The following MAGI2 variants were observed in gnomAD, a reference collection of about 807,000 sequenced individuals.
The protein encoded by MAGI2 is membrane associated guanylate kinase, WW and PDZ domain containing 2, also known as membrane-associated guanylate kinase, WW and PDZ domain-containing protein 2.
In MAGI2, 35 loss-of-function variants were observed where a neutral mutation model predicts 133.3. The ratio of observed to expected loss-of-function variants is 0.26; its 90% CI spans 0.20 to 0.35. MAGI2 has a LOEUF of 0.35. MAGI2 is among the 10% of genes least tolerant of loss of function. The probability of loss-of-function intolerance (pLI) is 1.00; values close to 1 mark genes in which losing one functional copy is unlikely to be tolerated. For synonymous variants in MAGI2, 729 were observed against 710.6 expected (o/e 1.03, Z -0.41); for missense variants, 1,636 against 1,863.4 (o/e 0.88, Z 2.25).
intron 3 of MAGI2, among the ~76,000 whole-genome samples, chr7:78,577,897 T>G (rs1406588422): frequency 6.6e-6 from 1 of 152,114 alleles, no homozygotes; most frequent in African/African-American, 2.4e-5. Context: ...CATGTAATAT[T>G]TCCTTAATTA....
chr7:78,274,111 T>TG (rs1794833384), intron 9 of MAGI2, among the ~76,000 whole-genome samples: 2 of 152,188 alleles, frequency 1.3e-5, no homozygotes, highest in Non-Finnish European at 2.9e-5. Flanking sequence ...GACCTTCGGA[T>TG]GGAGTTTCTG....
intron 6 of MAGI2, among the ~76,000 whole-genome samples, chr7:78,397,983 T>C (rs1029002558): frequency 1.3e-5 from 2 of 152,068 alleles, no homozygotes; most frequent in African/African-American, 4.8e-5. Context: ...AATTAAACAC[T>C]GTCTATAAAA....
intron 2 of MAGI2, among the ~76,000 whole-genome samples, chr7:78,650,032 C>A (rs1468497223): frequency 1.3e-5 from 2 of 152,156 alleles, no homozygotes; most frequent in Non-Finnish European, 2.9e-5. Context: ...CCAGGTGATA[C>A]TGATGTTGCT....
rs995745767 is a variant in MAGI2, at chr7:79,137,096, T to G, written c.302-129890A>C. On this transcript the variant is annotated intron_variant, in intron 1 of 21. Transcript: ENST00000354212. Reference sequence around the variant, plus strand: ...TCCCAGGTTCAAACTGAGGCTAAACTGAGGCTTGACTGAGGCTGGGGTGGC... The same window carrying G: ...TCCCAGGTTCAAACTGAGGCTAAACGGAGGCTTGACTGAGGCTGGGGTGGC... Among the ~76,000 whole-genome samples the G allele has an allele frequency of 2.6e-5, 4 of 152,154 alleles. No individual in the cohort carries two copies. In the East Asian group the frequency reaches 7.8e-4, roughly 30 times the overall value.
At position 78,430,884 on chromosome 7, in the gene MAGI2, C is replaced by A. The variant is rs915198523; in HGVS notation, c.1045+58877G>T. On this transcript the variant is annotated intron_variant, in intron 6 of 21. Transcript: ENST00000354212. ...CCTAGTTGACTCAATTCTCTAAGTC[C>A]AACAGGAGGGGTTACTAGTGAAAGC... Among the ~76,000 whole-genome samples the A allele has an allele frequency of 4.6e-5, 7 of 152,174 alleles. No homozygotes were observed. The South Asian group carries it at 6.2e-4, about 14-fold the overall frequency.
intron 4 of MAGI2, among the ~76,000 whole-genome samples, chr7:78,516,908 A>G (rs1796089274): frequency 6.6e-6 from 1 of 152,244 alleles, no homozygotes; most frequent in Non-Finnish European, 1.5e-5. Flanking sequence ...GGTGAAAAGT[A>G]GAATTACAGA....
chr7:79,300,981 G>A (rs1363286443), intron 1 of MAGI2, among the ~76,000 whole-genome samples: 2 of 152,248 alleles, frequency 1.3e-5, no homozygotes, highest in African/African-American at 2.4e-5. Flanking sequence ...TCCATATGGT[G>A]TCAAGCCTGC....
chr7:78,064,807 G>A (rs1813646159), intron 21 of MAGI2, among the ~76,000 whole-genome samples: 1 of 152,108 alleles, frequency 6.6e-6, no homozygotes, highest in South Asian at 2.1e-4. Flanking sequence ...GGGGTAAAAA[G>A]TTGCTTGAAC....
intron 1 of MAGI2, among the ~76,000 whole-genome samples, chr7:79,382,643 A>G (rs1843875550): frequency 6.6e-6 from 1 of 151,708 alleles, no homozygotes; most frequent in South Asian, 2.1e-4. Flanking sequence ...AATGATAGGT[A>G]TACTGATAAA....
intron 1 of MAGI2, among the ~76,000 whole-genome samples, chr7:79,407,836 T>C (rs1379898218): frequency 1.3e-5 from 2 of 152,128 alleles, no homozygotes; most frequent in Admixed American, 6.6e-5. Context: ...ACCTACAATT[T>C]TGGGTTTTCA....
chr7:79,276,051 A>G (rs554161353), intron 1 of MAGI2, among the ~76,000 whole-genome samples: 1 of 152,152 alleles, frequency 6.6e-6, no homozygotes, highest in Non-Finnish European at 1.5e-5. Flanking sequence ...CAGTCAATGG[A>G]ATAAGGAGTA....
chr7:78,636,939 G>C (rs1440685798), intron 2 of MAGI2, among the ~76,000 whole-genome samples: 1 of 152,172 alleles, frequency 6.6e-6, no homozygotes, highest in Non-Finnish European at 1.5e-5. Flanking sequence ...TGCTGCGGTG[G>C]GGCCTGATTA....
intron 1 of MAGI2, among the ~76,000 whole-genome samples, chr7:79,439,278 A>G (rs1848341996): frequency 6.6e-6 from 1 of 152,070 alleles, no homozygotes; most frequent in African/African-American, 2.4e-5. Flanking sequence ...TTCCAATGGA[A>G]CTGCACTAAC....
chr7:78,072,385 T>A (rs2151168257), intron 21 of MAGI2, among the ~76,000 whole-genome samples: 1 of 152,310 alleles, frequency 6.6e-6, no homozygotes, highest in African/African-American at 2.4e-5. Flanking sequence ...ACTACTCTGC[T>A]AAAAACACAT....
Position 78,209,471 on chromosome 7 carries a change from C to G in MAGI2, c.2048-8278G>C, listed in dbSNP as rs540177623. On this transcript the variant is annotated intron_variant, in intron 10 of 21. Coordinates refer to ENST00000354212, the MANE Select transcript of MAGI2 (RefSeq NM_012301.4). ...GAGATGGGGGTTTCACCATGTTGGC[C>G]AGGATGGTCTTGATCTCCTGACCTC... Among the ~76,000 whole-genome samples, 5 of 151,714 alleles carry G rather than the reference C, an allele frequency of 3.3e-5. No homozygotes were observed. The East Asian group carries it at 1.0e-3, about 30-fold the overall frequency.
chr7:78,405,004 C>T (rs548471920), intron 6 of MAGI2, among the ~76,000 whole-genome samples: 10 of 151,964 alleles, frequency 6.6e-5, no homozygotes, highest in Non-Finnish European at 1.3e-4. Context: ...CAAGTTAACT[C>T]GTTAATGGTT....
intron 11 of MAGI2, among the ~76,000 whole-genome samples, chr7:78,196,108 C>T (rs1281006364): frequency 2.0e-5 from 3 of 152,298 alleles, no homozygotes; most frequent in African/African-American, 7.2e-5. Flanking sequence ...GAGGACCCAC[C>T]CAGTTCTCTT....
chr7:78,037,227 T>C (rs1584907190), intron 21 of MAGI2, among the ~76,000 whole-genome samples: 1 of 151,096 alleles, frequency 6.6e-6, no homozygotes, highest in African/African-American at 2.4e-5. Flanking sequence ...GAACTTAGGG[T>C]GGGGGTGGAG....
In MAGI2 at chr7:78,406,519, C is replaced by T. The variant is rs139452693; in HGVS notation, c.1046-37306G>A. 9.9e-5 allele frequency among the ~76,000 whole-genome samples: 15 copies of T among 151,968 alleles called. No individual in the cohort carries two copies. In the East Asian group the frequency reaches 1.2e-3, roughly 12 times the overall value. On this transcript the variant is annotated intron_variant, in intron 6 of 21. Coordinates refer to ENST00000354212, the MANE Select transcript of MAGI2 (RefSeq NM_012301.4). ...AAATATGATTTTAAATGGTTTCTGC[C>T]GGCTGATATTTAGTGATTTATGAGT...
Sources: gnomAD v4.1 joint callset for allele counts (sites outside exome capture counted in the v4.1 genomes callset) on GRCh38, gnomAD v4.1.1 for gene constraint, MANE v1.5 for transcripts, NCBI Gene and HGNC (gene_info 2026-07-23, HGNC 2026-07-21) for gene names.